Variants in DLG5 observed in about 807,000 individuals in gnomAD.
DLG5 encodes discs large MAGUK scaffold protein 5.
DLG5 carries 48 observed loss-of-function variants against 189.8 expected under a neutral mutation model. The ratio of observed to expected loss-of-function variants is 0.25; its 90% CI spans 0.20 to 0.32. DLG5 has a LOEUF of 0.32. Ranked by LOEUF, DLG5 falls within the 10% of genes least tolerant of loss-of-function variation. The probability of loss-of-function intolerance (pLI) is 1.00; values close to 1 mark genes in which losing one functional copy is unlikely to be tolerated. For synonymous variants in DLG5, 1,016 were observed against 1,054.1 expected, an observed-to-expected ratio of 0.96 and a Z score of 0.70; for missense variants, 2,160 against 2,544.7, an observed-to-expected ratio of 0.85 and a Z score of 3.25.
At chr10:77,839,736 G>T (rs1166211634) in intron 7 of DLG5, among the ~76,000 whole-genome samples, 2 of 152,178 alleles carry the variant, frequency 1.3e-5, no homozygotes, top group African/African-American at 4.8e-5. Flanking sequence ...TTTCTAGGAT[G>T]ATTACCAAAT....
At chr10:77,931,286 C>T (rs1176474627), upstream of DLG5, among the ~76,000 whole-genome samples, 1 of 151,336 alleles carries the variant, frequency 6.6e-6, no homozygotes, top group Non-Finnish European at 1.5e-5. Flanking sequence ...TAGATTCTTA[C>T]TCTGTCTCCC....
chr10:77,909,407 T>C (rs1303939742), intron 1 of DLG5, among the ~76,000 whole-genome samples: 1 of 152,036 alleles, frequency 6.6e-6, no homozygotes, highest in Non-Finnish European at 1.5e-5. Flanking sequence ...CTAATGTAGA[T>C]GACGGGTTGA....
rs1367012008 is a variant in DLG5, at chr10:77,926,060, G to A, written c.304+157C>T. 2.0e-5 allele frequency among the ~76,000 whole-genome samples: 3 copies of A among 152,114 alleles called. No individual in the cohort carries two copies. Among genetic ancestry groups the A allele is most frequent in the Non-Finnish European group, 4.4e-5 (3 of 68,022 alleles). The stretch of plus-strand genomic sequence containing the variant: ...ACTGGGGGAGGCGGCGGGACTTCGG[G>A]ATCCGCGCACCGCCGCCTCCCCAAC... On this transcript the variant is annotated intron_variant, in intron 1 of 31. Transcript: ENST00000372391. This position sits in a 1 kb window ranked among gnomAD's most constrained non-coding sequence, Gnocchi z 5.2.
chr10:77,849,493 G>A (rs1342503293), intron 5 of DLG5, among the ~76,000 whole-genome samples: 1 of 152,268 alleles, frequency 6.6e-6, no homozygotes, highest in African/African-American at 2.4e-5. Context: ...CAGCAGCTCT[G>A]AGATGCTCCC....
At chr10:77,801,421 G>A (rs1841198301) in intron 27 of DLG5, among the ~76,000 whole-genome samples, 1 of 151,316 alleles carries the variant, frequency 6.6e-6, no homozygotes, top group African/African-American at 2.4e-5. Context: ...AAAGAAAGAA[G>A]TGGAAAATGC....
rs971577320 is a variant in DLG5 at position 77,790,974 on chromosome 10, A to C, written c.*1466T>G. On this transcript the variant is annotated 3_prime_UTR_variant, in exon 32 of 32. Coordinates refer to ENST00000372391, the MANE Select transcript of DLG5 (RefSeq NM_004747.4). ...CTACCCCCAGAGGGTCTGCGAGTTA[A>C]TACCTTGAGAATAGTCTACAGTTTT... 1 of 152,354 alleles carries C rather than the reference A, an allele frequency of 6.6e-6. No homozygotes were observed. Among genetic ancestry groups the C allele is most frequent in the African/African-American group, 2.4e-5 (1 of 41,464 alleles). 9.4% of individuals were successfully genotyped at this position (152,354 alleles called of 1,614,324 possible).
intron 1 of DLG5, among the ~76,000 whole-genome samples, chr10:77,924,744 T>G (rs901910072): frequency 6.6e-6 from 1 of 152,162 alleles, no homozygotes; most frequent in Non-Finnish European, 1.5e-5. Context: ...GGGGAAAGAA[T>G]GCAGGTTTGA....
intron 2 of DLG5, among the ~76,000 whole-genome samples, chr10:77,865,048 T>G (rs1844618053): frequency 6.6e-6 from 1 of 152,196 alleles, no homozygotes; most frequent in Admixed American, 6.5e-5. Flanking sequence ...AAGGGCCACT[T>G]CCTCCAGGAA....
intron 13 of DLG5, among the ~76,000 whole-genome samples, chr10:77,824,988 G>C (rs535786204): frequency 9.2e-5 from 14 of 152,292 alleles, no homozygotes; most frequent in Admixed American, 8.5e-4. Context: ...TCACAGCTAT[G>C]TGCAGACCTT....
intron 27 of DLG5, among the ~76,000 whole-genome samples, chr10:77,798,741 G>A (rs1057145144): frequency 6.6e-6 from 1 of 152,084 alleles, no homozygotes. Context: ...CCACTTCCCT[G>A]CTGATGGACA....
At chr10:77,901,343 C>T (rs990172477) in intron 1 of DLG5, among the ~76,000 whole-genome samples, 11 of 152,228 alleles carry the variant, frequency 7.2e-5, no homozygotes, top group Admixed American at 2.0e-4. Context: ...GAAACAGGGC[C>T]GTCAGAGCAG....
At chr10:77,857,731 C>T (rs1177777470) in intron 2 of DLG5, among the ~76,000 whole-genome samples, 2 of 152,196 alleles carry the variant, frequency 1.3e-5, no homozygotes, top group Non-Finnish European at 2.9e-5. Flanking sequence ...AGAGACTAAT[C>T]CATGGTGCTT....
At chr10:77,826,773 C>T (rs1009394863) in intron 13 of DLG5, among the ~76,000 whole-genome samples, 2 of 152,172 alleles carry the variant, frequency 1.3e-5, no homozygotes, top group African/African-American at 4.8e-5. Flanking sequence ...AATGGCGAAA[C>T]CCCGTCTCTA....
intron 1 of DLG5, among the ~76,000 whole-genome samples, chr10:77,916,864 A>C (rs1013003851): frequency 2.0e-5 from 3 of 149,168 alleles, no homozygotes; most frequent in African/African-American, 7.5e-5. Context: ...AAACAACCCA[A>C]ATGTGTCCAT....
intron 6 of DLG5, among the ~76,000 whole-genome samples, chr10:77,842,586 C>T (rs1843476695): frequency 6.6e-6 from 1 of 152,202 alleles, no homozygotes; most frequent in African/African-American, 2.4e-5. Flanking sequence ...ACAGTACAGC[C>T]CTGTGACAAG....
chr10:77,894,543 CTTTTTT>C (rs35379334), intron 1 of DLG5, among the ~76,000 whole-genome samples: 33 of 95,926 alleles, frequency 3.4e-4, no homozygotes, highest in African/African-American at 1.1e-3. Flanking sequence ...AAGAATAAAG[CTTTTTT>C]TTTTTTTTTT....
rs1842930527 is a variant in DLG5 at position 77,832,453 on chromosome 10, A to G, written c.1748+1461T>C. 2.0e-5 allele frequency among the ~76,000 whole-genome samples: 3 copies of G among 152,170 alleles called. No homozygotes were observed. In the South Asian group the frequency reaches 6.2e-4, roughly 32 times the overall value. Reference sequence around the variant, plus strand: ...GCACCTTTGCCTAGGCTGTGCTCTCACCAGCCAGCTCTAGAATGCCACTCA... The same window carrying G: ...GCACCTTTGCCTAGGCTGTGCTCTCGCCAGCCAGCTCTAGAATGCCACTCA... On this transcript the variant is annotated intron_variant, in intron 9 of 31. Coordinates refer to ENST00000372391, the MANE Select transcript of DLG5 (RefSeq NM_004747.4).
chr10:77,806,114 G>C (rs944415485), intron 26 of DLG5: 1 of 454,294 alleles, frequency 2.2e-6, no homozygotes, highest in African/African-American at 2.0e-5. Flanking sequence ...TATTCAGCTC[G>C]GTGTCAAAAG....
intron 1 of DLG5, among the ~76,000 whole-genome samples, chr10:77,881,542 G>C (rs1845282267): frequency 6.6e-6 from 1 of 152,164 alleles, no homozygotes; most frequent in Non-Finnish European, 1.5e-5. Context: ...CACTCCTCTG[G>C]CCGTGGATTT....
Sources: allele counts gnomAD v4.1 joint callset (sites outside exome capture counted in the v4.1 genomes callset), GRCh38; gene constraint gnomAD v4.1.1; non-coding constraint Gnocchi (gnomAD v3.1); transcripts MANE v1.5; gene names NCBI Gene and HGNC (gene_info 2026-07-23, HGNC 2026-07-21).